The following AKAP14 variants were observed in gnomAD, a reference collection of about 807,000 sequenced individuals.
The protein encoded by AKAP14 is A-kinase anchor protein 14.
Under a neutral mutation model 17.0 loss-of-function variants are expected in AKAP14, and 4 were observed. The ratio of observed to expected loss-of-function variants is 0.23; its 90% CI spans 0.12 to 0.54. AKAP14 has a LOEUF of 0.54. AKAP14 is among the 20% of genes least tolerant of loss of function. The pLI, the probability that AKAP14 is intolerant of heterozygous loss-of-function variation, is 0.95. For missense variants in AKAP14, 129 were observed against 150.9 expected (o/e 0.85, Z 0.76); for synonymous variants, 42 against 51.3 (o/e 0.82, Z 0.77).
intron 5 of AKAP14, among the ~76,000 whole-genome samples, chrX:119,917,244 G>T (rs1428450201): frequency 9.1e-6 from 1 of 110,243 alleles, no homozygotes; most frequent in African/African-American, 3.3e-5. Context: ...TTGGGAGGCC[G>T]AGGTGGACAG....
chrX:119,920,369 A>T, intron 6 of AKAP14, 139 bp from the exon 7 acceptor site: 1 of 449,822 alleles, frequency 2.2e-6, no homozygotes, highest in African/African-American at 2.4e-5. Context: ...AACCTTAGCT[A>T]CCTCCCCTCC....
intron 4 of AKAP14, among the ~76,000 whole-genome samples, chrX:119,911,860 G>A (rs1450049228): frequency 1.8e-5 from 2 of 108,950 alleles, no homozygotes; most frequent in East Asian, 5.7e-4. Flanking sequence ...GCCATTGTGG[G>A]AAGTCTTAAA....
At chrX:119,906,750 G>C (rs1163886895) in intron 4 of AKAP14, among the ~76,000 whole-genome samples, 1 of 111,027 alleles carries the variant, frequency 9.0e-6, no homozygotes, top group African/African-American at 3.3e-5. Context: ...CACCATTTTG[G>C]CCAGGCTGGT....
intron 4 of AKAP14, among the ~76,000 whole-genome samples, chrX:119,913,466 G>A (rs748505937): frequency 8.9e-5 from 10 of 112,308 alleles, no homozygotes; most frequent in Non-Finnish European, 1.9e-4. Flanking sequence ...CTGTGTGTAT[G>A]TACATGTAGA....
At chrX:119,903,422 A>G (rs752913951) in intron 3 of AKAP14, 30 bp downstream of exon 3, 16 of 1,210,737 alleles carry the variant, frequency 1.3e-5, no homozygotes, top group Non-Finnish European at 1.8e-5. Context: ...GGATGCCTAA[A>G]TAATTGTCTA....
chrX:119,904,082 C>T (rs1158856546), intron 4 of AKAP14, among the ~76,000 whole-genome samples: 1 of 111,137 alleles, frequency 9.0e-6, no homozygotes, highest in East Asian at 2.8e-4. Flanking sequence ...TAGACAGGCA[C>T]GTGTCACCAC....
chrX:119,897,287 G>A (rs2056534993), intron 2 of AKAP14, among the ~76,000 whole-genome samples: 1 of 109,929 alleles, frequency 9.1e-6, no homozygotes, highest in East Asian at 2.9e-4. Context: ...AGACCCCCAA[G>A]TAGCTGGGAC....
intron 6 of AKAP14, 127 bp downstream of exon 6, chrX:119,920,090 C>G: frequency 1.5e-6 from 1 of 670,352 alleles, no homozygotes; most frequent in Middle Eastern, 3.1e-4. Context: ...ACCACCAAGC[C>G]CATTAGAATG....
At chrX:119,896,850 G>T (rs747436376) in intron 2 of AKAP14, among the ~76,000 whole-genome samples, 1 of 85,592 alleles carries the variant, frequency 1.2e-5, no homozygotes. Flanking sequence ...TCGCTCTGTC[G>T]CCTAGGCTGG....
At chrX:119,906,677 G>A (rs1450998288) in intron 4 of AKAP14, among the ~76,000 whole-genome samples, 2 of 110,828 alleles carry the variant, frequency 1.8e-5, no homozygotes, top group Non-Finnish European at 3.8e-5. Context: ...GGAATTATAG[G>A]CACCTGCCAC....
chrX:119,911,354 A>C (rs1407596978), intron 4 of AKAP14, among the ~76,000 whole-genome samples: 1 of 100,377 alleles, frequency 1.0e-5, no homozygotes, highest in Non-Finnish European at 2.0e-5. Context: ...ACTCTGTTTC[A>C]AAAAAAAAAA....
chrX:119,896,723 C>T (rs1245717427), intron 2 of AKAP14, among the ~76,000 whole-genome samples: 1 of 110,808 alleles, frequency 9.0e-6, no homozygotes, highest in East Asian at 2.8e-4. Flanking sequence ...TTTGACTTCT[C>T]ATCGATTTAT....
chrX:119,912,970 A>G (rs1252240319), intron 4 of AKAP14, among the ~76,000 whole-genome samples: 1 of 109,520 alleles, frequency 9.1e-6, no homozygotes, highest in African/African-American at 3.3e-5. Flanking sequence ...CTCAACTCTC[A>G]TCACTACGAA....
chrX:119,910,942 G>A (rs184214868), intron 4 of AKAP14, among the ~76,000 whole-genome samples: 5 of 109,021 alleles, frequency 4.6e-5, no homozygotes, highest in South Asian at 4.1e-4. Flanking sequence ...GATTACAGGC[G>A]TGAGCCACTG....
chrX:119,915,655 G>A (rs1031851194), intron 5 of AKAP14, among the ~76,000 whole-genome samples: 3 of 111,844 alleles, frequency 2.7e-5, no homozygotes, highest in African/African-American at 6.5e-5. Context: ...ACAGTCGTGC[G>A]CCACCATGCC....
intron 6 of AKAP14, 147 bp from the exon 7 acceptor site, chrX:119,920,361 C>A: frequency 2.3e-6 from 1 of 439,828 alleles, no homozygotes; most frequent in South Asian, 3.7e-5. Context: ...ACATAGAGAA[C>A]CTTAGCTACC....
chrX:119,908,089 C>T (rs2056607655), intron 4 of AKAP14, among the ~76,000 whole-genome samples: 1 of 110,474 alleles, frequency 9.1e-6, no homozygotes, highest in Non-Finnish European at 1.9e-5. Context: ...AGTTTGAGAA[C>T]AGCCTGGTCA....
At chrX:119,913,773 CTCAATCAATCAA>C (rs10570399) in intron 4 of AKAP14, among the ~76,000 whole-genome samples, 4 of 105,128 alleles carry the variant, frequency 3.8e-5, no homozygotes, top group Non-Finnish European at 5.9e-5. Context: ...GAGGCTCTGT[CTCAATCAATCAA>C]TCAATCAATC....
At chrX:119,899,418 T>C (rs2056551807) in intron 2 of AKAP14, among the ~76,000 whole-genome samples, 1 of 110,845 alleles carries the variant, frequency 9.0e-6, no homozygotes, top group South Asian at 3.8e-4. Flanking sequence ...TAAGGGAATA[T>C]TTACAAAGGT....
Sources: gnomAD v4.1 joint callset for allele counts (sites outside exome capture counted in the v4.1 genomes callset) on GRCh38, gnomAD v4.1.1 for gene constraint, MANE v1.5 for transcripts, NCBI Gene and HGNC (gene_info 2026-07-23, HGNC 2026-07-21) for gene names.